The following TRAPPC9 variants were observed in gnomAD, a reference collection of about 807,000 sequenced individuals.
TRAPPC9 encodes trafficking protein particle complex subunit 9, also known as IKK2 binding protein.
Under a neutral mutation model 124.0 loss-of-function variants are expected in TRAPPC9, and 83 were observed. That is an observed-to-expected ratio of 0.67 (90% CI 0.56 to 0.80). The LOEUF (loss-of-function observed/expected upper bound fraction) is 0.80. Among genes scored for constraint, TRAPPC9 ranks in the 30% least tolerant of loss-of-function variants. The pLI, the probability that TRAPPC9 is intolerant of heterozygous loss-of-function variation, is 0.00. For synonymous variants in TRAPPC9, 638 were observed against 617.5 expected (o/e 1.03, Z -0.49); for missense variants, 1,302 against 1,508.3 (o/e 0.86, Z 2.27).
chr8:140,374,088 G>GC (rs1306869210), intron 7 of TRAPPC9, among the ~76,000 whole-genome samples: 2 of 152,138 alleles, frequency 1.3e-5, no homozygotes. Context: ...AAAAATCTTT[G>GC]CCCGAGGTCA....
chr8:140,363,880 C>T (rs778436703), intron 8 of TRAPPC9, among the ~76,000 whole-genome samples: 18 of 152,278 alleles, frequency 1.2e-4, no homozygotes, highest in East Asian at 3.9e-4. Context: ...TTACAGGCGT[C>T]AGCCACTGCA....
At chr8:140,383,492 T>A (rs4285462) in intron 7 of TRAPPC9, among the ~76,000 whole-genome samples, 4,916 of 152,268 alleles carry the variant, frequency 0.032, 258 homozygotes, top group African/African-American at 0.11. Flanking sequence ...CTGAAAACGA[T>A]GGCACGAGAA....
rs1161648953 is a variant in TRAPPC9, at chr8:140,385,808, C to T, written c.1134+11812G>A. On this transcript the variant is annotated intron_variant, in intron 7 of 22. Coordinates refer to ENST00000438773, the MANE Select transcript of TRAPPC9 (RefSeq NM_001160372.4). ...TAGAAAAAGAGGGAATCCTCCCTAACTCATTTTATGAGGCCAGCATCATCC... is the reference window on the plus strand; with the variant it reads ...TAGAAAAAGAGGGAATCCTCCCTAATTCATTTTATGAGGCCAGCATCATCC... Among the ~76,000 whole-genome samples the T allele has an allele frequency of 2.0e-5, 3 of 152,232 alleles. No homozygotes were observed. In the South Asian group the frequency reaches 6.2e-4, roughly 32 times the overall value.
chr8:140,173,143 A>G (rs1444093731), intron 17 of TRAPPC9, among the ~76,000 whole-genome samples: 2 of 152,220 alleles, frequency 1.3e-5, no homozygotes, highest in Non-Finnish European at 2.9e-5. Context: ...CAACCCATTA[A>G]CTGATAACAG....
At chr8:139,844,922 T>A (rs1253954297) in intron 21 of TRAPPC9, among the ~76,000 whole-genome samples, 1 of 152,150 alleles carries the variant, frequency 6.6e-6, no homozygotes, top group African/African-American at 2.4e-5. Flanking sequence ...TGCTCCCAGT[T>A]CATCACCCCG....
chr8:139,985,511 A>T (rs1216878766), intron 19 of TRAPPC9, among the ~76,000 whole-genome samples: 1 of 152,204 alleles, frequency 6.6e-6, no homozygotes, highest in African/African-American at 2.4e-5. Flanking sequence ...CGCAGCATCC[A>T]GCCACAGCCC....
At chr8:140,335,790 T>C (rs1455855588) in intron 9 of TRAPPC9, among the ~76,000 whole-genome samples, 3 of 137,104 alleles carry the variant, frequency 2.2e-5, no homozygotes, top group African/African-American at 8.3e-5. Context: ...CACCAAAACC[T>C]CCACCTCCTG....
At chr8:140,326,880 CA>C (rs1383399107) in intron 9 of TRAPPC9, among the ~76,000 whole-genome samples, 1 of 151,442 alleles carries the variant, frequency 6.6e-6, no homozygotes, top group Non-Finnish European at 1.5e-5. Context: ...GACCCTGTCT[CA>C]AAAAAATAAA....
intron 17 of TRAPPC9, among the ~76,000 whole-genome samples, chr8:140,025,565 C>CAAAAAAAAAAAAAAAAGAA (rs11329773): frequency 8.1e-6 from 1 of 123,850 alleles, no homozygotes; most frequent in African/African-American, 3.0e-5. Flanking sequence ...AAGCAAAATG[C>CAAAAAAAAAAAAAAAAGAA]AAAAAAAAAA....
chr8:139,966,142 G>A lies in TRAPPC9; in HGVS notation c.2810+22584C>T, dbSNP rs1835692070. Among the ~76,000 whole-genome samples, 3 of 152,250 alleles carry A rather than the reference G, an allele frequency of 2.0e-5. No homozygotes were observed. The South Asian group carries it at 6.2e-4, about 31-fold the overall frequency. On this transcript the variant is annotated intron_variant, in intron 19 of 22. Transcript: ENST00000438773. ...AGTCACAGTATGAGAGGTGGGGGCA[G>A]AACAGACAAGGCCACTGGCTTGACC...
intron 21 of TRAPPC9, among the ~76,000 whole-genome samples, chr8:139,883,264 C>G (rs1052221953): frequency 6.6e-6 from 1 of 152,230 alleles, no homozygotes; most frequent in African/African-American, 2.4e-5. Context: ...GCAAGAGGGC[C>G]CTCGCCAGAC....
At chr8:140,140,540 C>G (rs748318027) in intron 17 of TRAPPC9, among the ~76,000 whole-genome samples, 2 of 152,084 alleles carry the variant, frequency 1.3e-5, no homozygotes, top group African/African-American at 4.8e-5. Flanking sequence ...CATCAATCAG[C>G]GAATGAAACA....
chr8:139,952,214 A>C (rs1834684718), intron 19 of TRAPPC9, among the ~76,000 whole-genome samples: 1 of 152,240 alleles, frequency 6.6e-6, no homozygotes, highest in Non-Finnish European at 1.5e-5. Flanking sequence ...TTAATAGCAA[A>C]TTGCATGCCA....
chr8:140,255,588 A>G (rs4078541), intron 15 of TRAPPC9, among the ~76,000 whole-genome samples: 33,665 of 152,200 alleles, frequency 0.22, 4,063 homozygotes, highest in African/African-American at 0.31. Context: ...CATTCAGATG[A>G]TTTCGAGAAG....
At chr8:139,773,300 C>T (rs1467549942) in intron 21 of TRAPPC9, among the ~76,000 whole-genome samples, 1 of 152,256 alleles carries the variant, frequency 6.6e-6, no homozygotes, top group Non-Finnish European at 1.5e-5. Context: ...GAGTATTTAG[C>T]ACCAGTGGGA....
At chr8:140,020,269 C>G (rs1839754710) in intron 18 of TRAPPC9, among the ~76,000 whole-genome samples, 1 of 152,190 alleles carries the variant, frequency 6.6e-6, no homozygotes, top group Admixed American at 6.5e-5. Flanking sequence ...CTTCTGCTTA[C>G]TCTAGGTACA....
intron 21 of TRAPPC9, among the ~76,000 whole-genome samples, chr8:139,757,345 A>G (rs1187624156): frequency 7.2e-6 from 1 of 139,106 alleles, no homozygotes; most frequent in Non-Finnish European, 1.5e-5. Context: ...TGAGGACAGC[A>G]GGTCGCAGGA....
rs564611435 is a variant in TRAPPC9, at chr8:139,804,407, C to T, written c.3056-72205G>A. ...CCAAACACCACCACCACACACACAA[C>T]CACCACCACCCACCACCGCCACCAA... On this transcript the variant is annotated intron_variant, in intron 21 of 22. Transcript: ENST00000438773. Among the ~76,000 whole-genome samples, 702 of 128,072 alleles carry T rather than the reference C, an allele frequency of 5.5e-3. 3 individuals are homozygous for T. The highest frequency in any genetic ancestry group is 9.1e-3 in the Non-Finnish European group (544 of 59,918). The allele number at this position is 128,072 out of a possible 152,430, so 84.0% of individuals were successfully genotyped here.
chr8:140,363,882 G>C (rs1012449752), intron 8 of TRAPPC9, among the ~76,000 whole-genome samples: 1 of 152,204 alleles, frequency 6.6e-6, no homozygotes, highest in African/African-American at 2.4e-5. Context: ...ACAGGCGTCA[G>C]CCACTGCACC....
Sources: gnomAD v4.1 joint callset for allele counts (sites outside exome capture counted in the v4.1 genomes callset) on GRCh38, gnomAD v4.1.1 for gene constraint, MANE v1.5 for transcripts, NCBI Gene and HGNC (gene_info 2026-07-23, HGNC 2026-07-21) for gene names.